Variants in MAD1L1 observed in about 807,000 individuals in gnomAD.
MAD1L1 encodes the protein mitotic spindle assembly checkpoint protein MAD1.
MAD1L1 carries 95 observed loss-of-function variants against 96.9 expected under a neutral mutation model. The observed-to-expected ratio is 0.98, with a 90% CI of 0.83 to 1.16. MAD1L1 has a LOEUF of 1.16. MAD1L1 is among the 50% of genes most tolerant of loss of function. The pLI is 0.00. For missense variants in MAD1L1, 1,007 were observed against 954.4 expected, an observed-to-expected ratio of 1.06 and a Z score of -0.73; for synonymous variants, 473 against 396.6, an observed-to-expected ratio of 1.19 and a Z score of -2.29.
At position 1,963,060 on chromosome 7, in the gene MAD1L1, G is replaced by A. The variant is rs957861457; in HGVS notation, c.1506-5341C>T. Among the ~76,000 whole-genome samples the A allele has an allele frequency of 3.2e-4, 49 of 152,182 alleles. 1 individual carries two copies. Among genetic ancestry groups the A allele is most frequent in the Admixed American group, 2.7e-3 (42 of 15,280 alleles). ...TGGAAGACGGGCAACCTCGGAACACGTTACACACGTGACCGCCAGCCACTC... is the reference window on the plus strand; with the variant it reads ...TGGAAGACGGGCAACCTCGGAACACATTACACACGTGACCGCCAGCCACTC... On this transcript the variant is annotated intron_variant, in intron 15 of 18. Transcript: ENST00000265854.
At chr7:2,113,738 C>T (rs1049090462) in intron 11 of MAD1L1, among the ~76,000 whole-genome samples, 2 of 152,188 alleles carry the variant, frequency 1.3e-5, no homozygotes, top group Non-Finnish European at 2.9e-5. Context: ...TGATGTCGCA[C>T]ACCCCGACAT....
At chr7:1,854,324 C>A (rs752709533) in intron 18 of MAD1L1, 31 of 461,544 alleles carry the variant, frequency 6.7e-5, no homozygotes, top group Non-Finnish European at 1.2e-4. Flanking sequence ...TCCTGGGCCC[C>A]GGCAGCTCGT....
At chr7:2,098,455 T>C (rs73034453) in intron 11 of MAD1L1, among the ~76,000 whole-genome samples, 4,114 of 152,184 alleles carry the variant, frequency 0.027, 97 homozygotes, top group South Asian at 0.089. Context: ...GAGATCCAAA[T>C]AGCCAGGGTC....
At chr7:2,207,391 T>C (rs1792654729) in intron 10 of MAD1L1, among the ~76,000 whole-genome samples, 1 of 152,158 alleles carries the variant, frequency 6.6e-6, no homozygotes, top group South Asian at 2.1e-4. Context: ...AAGGTGAGAT[T>C]AGAGGGTTGG....
At chr7:2,196,456 C>T (rs1791989607) in intron 10 of MAD1L1, among the ~76,000 whole-genome samples, 1 of 152,238 alleles carries the variant, frequency 6.6e-6, no homozygotes, top group South Asian at 2.1e-4. Context: ...AACGCTCCTG[C>T]GGCATCTTCC....
chr7:2,096,357 G>C (rs1786489861), intron 11 of MAD1L1, among the ~76,000 whole-genome samples: 3 of 152,192 alleles, frequency 2.0e-5, no homozygotes, highest in Non-Finnish European at 4.4e-5. Flanking sequence ...CACACATCTG[G>C]GGGTGGCGGG....
At chr7:1,918,428 C>G (rs1788556823) in intron 17 of MAD1L1, among the ~76,000 whole-genome samples, 1 of 152,222 alleles carries the variant, frequency 6.6e-6, no homozygotes, top group African/African-American at 2.4e-5. Context: ...CACACAACCG[C>G]AGTCACGCCA....
intron 18 of MAD1L1, among the ~76,000 whole-genome samples, chr7:1,819,811 G>A (rs1360395056): frequency 6.6e-6 from 1 of 152,082 alleles, no homozygotes; most frequent in Non-Finnish European, 1.5e-5. Context: ...CGCAGGATGT[G>A]GTGGGGCTCG....
intron 18 of MAD1L1, among the ~76,000 whole-genome samples, chr7:1,892,506 A>G (rs1786609474): frequency 6.6e-6 from 1 of 152,200 alleles, no homozygotes; most frequent in African/African-American, 2.4e-5. Flanking sequence ...TAAGCATCTC[A>G]TGCAAATATT....
chr7:1,874,623 T>C (rs1461552235), intron 18 of MAD1L1: 1 of 436,018 alleles, frequency 2.3e-6, no homozygotes, highest in African/African-American at 2.1e-5. Flanking sequence ...TCTTCATCGA[T>C]CGCCTGGTGG....
intron 10 of MAD1L1, among the ~76,000 whole-genome samples, chr7:2,162,212 G>C (rs1790184534): frequency 6.6e-6 from 1 of 152,252 alleles, no homozygotes; most frequent in Non-Finnish European, 1.5e-5. Context: ...GAAAGAAGTA[G>C]ACATGGGAGA....
At chr7:1,902,900 T>C (rs1339802926) in intron 17 of MAD1L1, among the ~76,000 whole-genome samples, 40 of 134,312 alleles carry the variant, frequency 3.0e-4, no homozygotes, top group Middle Eastern at 5.1e-3. Flanking sequence ...GCAGCGAGGA[T>C]GCAGTGGCCT....
At chr7:1,894,774 C>A (rs928239517) in intron 18 of MAD1L1, among the ~76,000 whole-genome samples, 1 of 150,704 alleles carries the variant, frequency 6.6e-6, no homozygotes, top group African/African-American at 2.5e-5. Context: ...AGGACAGAGT[C>A]TGGAGGAGGA....
At chr7:2,061,703 C>T (rs1020588442) in intron 12 of MAD1L1, among the ~76,000 whole-genome samples, 7 of 152,258 alleles carry the variant, frequency 4.6e-5, no homozygotes, top group Admixed American at 1.3e-4. Context: ...ACGTCATACA[C>T]GTGTTAAAAC....
chr7:2,232,580 G>T (rs1794257306), intron 1 of MAD1L1, among the ~76,000 whole-genome samples: 1 of 152,150 alleles, frequency 6.6e-6, no homozygotes, highest in South Asian at 2.1e-4. Flanking sequence ...CCCCTCGGCC[G>T]CCCGCCCTGG....
chr7:2,028,470 A>G (rs1783080226), intron 12 of MAD1L1, among the ~76,000 whole-genome samples: 1 of 152,028 alleles, frequency 6.6e-6, no homozygotes, highest in African/African-American at 2.4e-5. Context: ...ATGTTAGCAT[A>G]TAGTACGTCC....
chr7:1,983,144 GCGCGCGCGCGCACA>G (rs879444398), intron 14 of MAD1L1, among the ~76,000 whole-genome samples: 570 of 48,158 alleles, frequency 0.012, 2 homozygotes, highest in Non-Finnish European at 0.014. Context: ...GCGCGCGCGC[GCGCGCGCGCGCACA>G]CACACACACA....
At chr7:2,232,614 C>G (rs1794258921) in intron 1 of MAD1L1, among the ~76,000 whole-genome samples, 4 of 152,198 alleles carry the variant, frequency 2.6e-5, no homozygotes, top group South Asian at 4.1e-4. Context: ...TGCGGAGACC[C>G]AGGCGAGGGG....
intron 18 of MAD1L1, among the ~76,000 whole-genome samples, chr7:1,874,863 C>A (rs558721974): frequency 7.8e-4 from 119 of 152,168 alleles, no homozygotes; most frequent in African/African-American, 2.2e-3. Flanking sequence ...AACACAGAGG[C>A]CTCCGGCTCT....
Sources: allele counts gnomAD v4.1 joint callset (sites outside exome capture counted in the v4.1 genomes callset), GRCh38; gene constraint gnomAD v4.1.1; transcripts MANE v1.5; gene names NCBI Gene and HGNC (gene_info 2026-07-23, HGNC 2026-07-21).